The following REDIC1 variants were observed in gnomAD, a reference collection of about 807,000 sequenced individuals.
REDIC1 encodes the protein HEI10 Interacting Protein 1.
chr12:39,696,459 C>T, the REDIC1 span, among the ~76,000 whole-genome samples: 7 of 135,964 alleles, frequency 5.1e-5, no homozygotes, highest in East Asian at 2.3e-4. Flanking sequence ...AGGAGAATGG[C>T]GTGAACCCGG....
chr12:39,676,005 C>T, the REDIC1 span, among the ~76,000 whole-genome samples: 3 of 152,120 alleles, frequency 2.0e-5, no homozygotes, highest in African/African-American at 7.2e-5. Flanking sequence ...TGAGAAGGAA[C>T]CAGAAAAGTA....
the REDIC1 span, among the ~76,000 whole-genome samples, chr12:39,653,594 C>CTTT: frequency 2.7e-5 from 2 of 74,818 alleles, no homozygotes; most frequent in African/African-American, 4.2e-5. Context: ...TCTTCTTCCT[C>CTTT]TTCTTCTTCT....
At chr12:39,874,085 A>C in the REDIC1 span, among the ~76,000 whole-genome samples, 1 of 152,220 alleles carries the variant, frequency 6.6e-6, no homozygotes, top group Non-Finnish European at 1.5e-5. Context: ...CGACACATAA[A>C]AGCAACAGTG....
the REDIC1 span, among the ~76,000 whole-genome samples, chr12:39,906,192 C>T: frequency 1.3e-5 from 2 of 151,988 alleles, no homozygotes; most frequent in Non-Finnish European, 2.9e-5. Context: ...TTTAATAATC[C>T]CAATTTTCAA....
chr12:39,785,931 T>C, the REDIC1 span, among the ~76,000 whole-genome samples: 1 of 152,310 alleles, frequency 6.6e-6, no homozygotes, highest in Admixed American at 6.5e-5. Flanking sequence ...TGTATCCTCA[T>C]TGTATTTAGG....
At chr12:39,810,551 GT>G in the REDIC1 span, among the ~76,000 whole-genome samples, 2 of 152,012 alleles carry the variant, frequency 1.3e-5, no homozygotes, top group Non-Finnish European at 2.9e-5. Flanking sequence ...TTCTCACCTA[GT>G]TTTCAATTTT....
chr12:39,777,285 A>G, the REDIC1 span, among the ~76,000 whole-genome samples: 1 of 152,212 alleles, frequency 6.6e-6, no homozygotes, highest in South Asian at 2.1e-4. Flanking sequence ...AATAATAGCA[A>G]CAAACTCAGG....
chr12:39,666,131 C>G, the REDIC1 span, among the ~76,000 whole-genome samples: 1 of 152,276 alleles, frequency 6.6e-6, no homozygotes, highest in South Asian at 2.1e-4. Flanking sequence ...AGAGGGCATC[C>G]CTGTCTTGTG....
the REDIC1 span, among the ~76,000 whole-genome samples, chr12:39,656,801 G>T: frequency 6.4e-3 from 966 of 152,110 alleles, 15 homozygotes; most frequent in African/African-American, 0.022. Context: ...AACAAAAAAG[G>T]TTAAAAGTAA....
At chr12:39,687,369 G>A in the REDIC1 span, among the ~76,000 whole-genome samples, 1 of 152,194 alleles carries the variant, frequency 6.6e-6, no homozygotes, top group Non-Finnish European at 1.5e-5. Context: ...ATAGGAAGCA[G>A]GATTCTGGGG....
At chr12:39,798,657 C>T in the REDIC1 span, among the ~76,000 whole-genome samples, 1 of 152,192 alleles carries the variant, frequency 6.6e-6, no homozygotes, top group African/African-American at 2.4e-5. Context: ...CTCCCTGGAA[C>T]AGCCCGGGCT....
chr12:39,742,223 T>A, the REDIC1 span, among the ~76,000 whole-genome samples: 1 of 152,202 alleles, frequency 6.6e-6, no homozygotes, highest in Non-Finnish European at 1.5e-5. Flanking sequence ...ACAGTGACTA[T>A]GAACGTCTTC....
chr12:39,711,610 T>C, the REDIC1 span, among the ~76,000 whole-genome samples: 1 of 98,594 alleles, frequency 1.0e-5, no homozygotes, highest in Non-Finnish European at 2.3e-5. Context: ...TACACATGCA[T>C]GTGTATGTGT....
At chr12:39,764,950 C>CTTAA in the REDIC1 span, 2 of 1,397,684 alleles carry the variant, frequency 1.4e-6, no homozygotes, top group South Asian at 2.7e-5. Context: ...TTGGAAATTC[C>CTTAA]TTAATGTCTT....
At chr12:39,852,973 T>C in the REDIC1 span, among the ~76,000 whole-genome samples, 1 of 152,222 alleles carries the variant, frequency 6.6e-6, no homozygotes, top group Non-Finnish European at 1.5e-5. Context: ...CTGTAACCAA[T>C]GCTCTTGAGT....
At chr12:39,708,380 T>G in the REDIC1 span, among the ~76,000 whole-genome samples, 1 of 151,880 alleles carries the variant, frequency 6.6e-6, no homozygotes, top group African/African-American at 2.4e-5. Context: ...GTTTTTGATT[T>G]ATTTTGTTTA....
At chr12:39,789,259 A>C in the REDIC1 span, among the ~76,000 whole-genome samples, 1,085 of 151,954 alleles carry the variant, frequency 7.1e-3, 18 homozygotes, top group African/African-American at 0.025. Context: ...TACTCCTAAA[A>C]ATACATATCA....
chr12:39,707,639 A>C, the REDIC1 span, among the ~76,000 whole-genome samples: 3 of 152,062 alleles, frequency 2.0e-5, no homozygotes, highest in East Asian at 5.8e-4. Context: ...TCACTAAACA[A>C]AATGTGTTAA....
the REDIC1 span, among the ~76,000 whole-genome samples, chr12:39,718,234 C>A: frequency 6.6e-6 from 1 of 152,016 alleles, no homozygotes; most frequent in Non-Finnish European, 1.5e-5. Context: ...GTATAATGAA[C>A]CTTAAAGGTC....
Sources: allele counts gnomAD v4.1 joint callset (sites outside exome capture counted in the v4.1 genomes callset), GRCh38; gene constraint gnomAD v4.1.1; transcripts MANE v1.5; gene names NCBI Gene and HGNC (gene_info 2026-07-23, HGNC 2026-07-21).